YIPF5: variants seen among roughly 807,000 people sequenced by gnomAD.
YIPF5 encodes the protein protein YIPF5.
YIPF5 carries 8 observed loss-of-function variants against 30.4 expected under a neutral mutation model. The ratio of observed to expected loss-of-function variants is 0.26; its 90% CI spans 0.15 to 0.47. The LOEUF (loss-of-function observed/expected upper bound fraction) is 0.47, where lower values mean the gene tolerates loss of function less well. YIPF5 is among the 20% of genes least tolerant of loss of function. The pLI, the probability that YIPF5 is intolerant of heterozygous loss-of-function variation, is 0.99. For synonymous variants in YIPF5, 104 were observed against 107.9 expected, an observed-to-expected ratio of 0.96 and a Z score of 0.23; for missense variants, 282 against 301.8, an observed-to-expected ratio of 0.93 and a Z score of 0.49.
intron 2 of YIPF5, among the ~76,000 whole-genome samples, chr5:144,168,157 T>A (rs2126762412): frequency 6.6e-6 from 1 of 152,324 alleles, no homozygotes; most frequent in Non-Finnish European, 1.5e-5. Flanking sequence ...GGAATGAAAC[T>A]GTGAGAACAG....
At chr5:144,163,285 T>C (rs1035629162) in intron 4 of YIPF5, among the ~76,000 whole-genome samples, 3 of 152,212 alleles carry the variant, frequency 2.0e-5, no homozygotes, top group African/African-American at 7.2e-5. Context: ...TTGTAAATAC[T>C]TGATTAAAAA....
chr5:144,168,506 A>G lies in YIPF5; in HGVS notation c.110+1340T>C, dbSNP rs192958872. Among the ~76,000 whole-genome samples, 3 of 152,310 alleles carry G rather than the reference A, an allele frequency of 2.0e-5. No homozygotes were observed. In the East Asian group the frequency reaches 5.8e-4, roughly 29 times the overall value. Reference sequence around the variant, plus strand: ...TACACAGAGCAATCACCAAAAATACATATTTAGGTAAATAAATGAATGGAA... The same window carrying G: ...TACACAGAGCAATCACCAAAAATACGTATTTAGGTAAATAAATGAATGGAA... On this transcript the variant is annotated intron_variant, in intron 2 of 5. Transcript: ENST00000274496.
chr5:144,168,115 T>C (rs1393414548), intron 2 of YIPF5, among the ~76,000 whole-genome samples: 1 of 152,200 alleles, frequency 6.6e-6, no homozygotes, highest in African/African-American at 2.4e-5. Context: ...TCACTAGTAC[T>C]GAAGCAATGC....
chr5:144,167,430 T>C (rs1752232338), intron 2 of YIPF5, among the ~76,000 whole-genome samples: 1 of 152,096 alleles, frequency 6.6e-6, no homozygotes, highest in Non-Finnish European at 1.5e-5. Context: ...TCTTAACATA[T>C]TGGGTTGGTT....
chr5:144,162,506 T>A, intron 4 of YIPF5, 107 bp from the exon 5 acceptor site: 2 of 977,306 alleles, frequency 2.0e-6, no homozygotes, highest in Non-Finnish European at 3.0e-6. Context: ...CATCAAAATC[T>A]ACTAATCTAT....
chr5:144,167,329 A>G (rs1013565510), intron 2 of YIPF5, among the ~76,000 whole-genome samples: 6 of 152,184 alleles, frequency 3.9e-5, no homozygotes, highest in African/African-American at 1.2e-4. Context: ...TATGGCAGAC[A>G]CGATCTTTAC....
rs1752176830 is a variant in YIPF5 at position 144,165,503 on chromosome 5, T to C, written c.212A>G (p.Gln71Arg). ...PYTGQIYQPT[Q>R]AYTPASPQPF... ...CTGAGGTGAAGCTGGAGTATATGCCTGAGTTGGCTGGTAAATCTGCCCGGT... is the reference window on the plus strand; with the variant it reads ...CTGAGGTGAAGCTGGAGTATATGCCCGAGTTGGCTGGTAAATCTGCCCGGT... The change falls in exon 3 of 6, where the codon CAG (glutamine) becomes CGG (arginine). Residue 71 changes from glutamine to arginine, a missense_variant. Coordinates refer to ENST00000274496, the MANE Select transcript of YIPF5 (RefSeq NM_030799.9). 2 of 1,614,066 alleles carry C rather than the reference T, an allele frequency of 1.2e-6. No individual in the cohort carries two copies. Among genetic ancestry groups the C allele is most frequent in the Admixed American group, 1.7e-5 (1 of 59,998 alleles).
chr5:144,158,388 AT>A lies in YIPF5; in HGVS notation c.*2008del, dbSNP rs752186082. 1.1e-5 allele frequency: 13 copies of A among 1,211,974 alleles called. No homozygotes were observed. The highest frequency in any genetic ancestry group is 6.8e-5 in the South Asian group (5 of 73,550). 75.1% of individuals were successfully genotyped at this position (1,211,974 alleles called of 1,614,324 possible). A position where few individuals can be genotyped will look rare whatever the true frequency, so the allele number is the denominator to read the frequency against. Reference sequence around the variant, plus strand: ...ATAAAAAATAACCACCACAAAAAAAATCTCTACAATAATTTAAACTAAAAAT... The same window carrying A: ...ATAAAAAATAACCACCACAAAAAAAACTCTACAATAATTTAAACTAAAAAT... On this transcript the variant is annotated 3_prime_UTR_variant, in exon 6 of 6. Coordinates refer to ENST00000274496, the MANE Select transcript of YIPF5 (RefSeq NM_030799.9).
intron 3 of YIPF5, among the ~76,000 whole-genome samples, 191 bp downstream of exon 3, chr5:144,165,241 A>G (rs1051563425): frequency 2.6e-5 from 4 of 152,250 alleles, no homozygotes; most frequent in African/African-American, 9.6e-5. Flanking sequence ...TAAAAGATCT[A>G]TTAAAAATCT....
At position 144,159,440 on chromosome 5, in the gene YIPF5, G is replaced by C. The variant is rs532996018; in HGVS notation, c.*957C>G. 2.0e-6 allele frequency: 2 copies of C among 985,142 alleles called. No individual in the cohort carries two copies. The highest frequency in any genetic ancestry group is 1.2e-4 in the Admixed American group (2 of 16,252). 61.0% of individuals were successfully genotyped at this position (985,142 alleles called of 1,614,324 possible). On this transcript the variant is annotated 3_prime_UTR_variant, in exon 6 of 6. Coordinates refer to ENST00000274496, the MANE Select transcript of YIPF5 (RefSeq NM_030799.9). ...TTATAGCATTAATGCAACCATTCCA[G>C]GTCCCTAAGGTTGAGTTAACATTAA...
rs115266254 is a variant in YIPF5 at position 144,168,557 on chromosome 5, C to G, written c.110+1289G>C. ...ATACCTCAATACAAATTTTCCAACT[C>G]TGCCCATTAATTTATCAAAAGAGAT... On this transcript the variant is annotated intron_variant, in intron 2 of 5. Coordinates refer to ENST00000274496, the MANE Select transcript of YIPF5 (RefSeq NM_030799.9). 4.9e-3 allele frequency among the ~76,000 whole-genome samples: 740 copies of G among 152,256 alleles called. 6 individuals carry two copies. The highest frequency in any genetic ancestry group is 0.017 in the African/African-American group (688 of 41,540).
At position 144,158,891 on chromosome 5, in the gene YIPF5, T is replaced by G. The variant is rs1934205130; in HGVS notation, c.*1506A>C. On this transcript the variant is annotated 3_prime_UTR_variant, in exon 6 of 6. Coordinates refer to ENST00000274496, the MANE Select transcript of YIPF5 (RefSeq NM_030799.9). The stretch of plus-strand genomic sequence containing the variant: ...ACCATTGATACATCATTTTGACATT[T>G]CTATTTAGTCTGAAAATCTCTTTAA... The G allele has an allele frequency of 1.0e-6, 1 of 983,910 alleles. No individual in the cohort carries two copies. The highest frequency in any genetic ancestry group is 1.2e-6 in the Non-Finnish European group (1 of 829,336). 60.9% of individuals were successfully genotyped at this position (983,910 alleles called of 1,614,324 possible).
At chr5:144,163,571 T>A (rs1431633544) in intron 4 of YIPF5, among the ~76,000 whole-genome samples, 1 of 152,180 alleles carries the variant, frequency 6.6e-6, no homozygotes, top group African/African-American at 2.4e-5. Flanking sequence ...GTATATTACA[T>A]TAGTTATCTC....
chr5:144,164,084 C>T (rs75150972), intron 4 of YIPF5, 27 bp downstream of exon 4: 33,635 of 1,605,316 alleles, frequency 0.021, 442 homozygotes, highest in Middle Eastern at 0.027. Flanking sequence ...TTTAATTGCA[C>T]CCTGAAGGTT....
In YIPF5 at chr5:144,158,691, T is replaced by C. The variant is rs187476345; in HGVS notation, c.*1706A>G. ...AAGTTGGAAAGCCTATCAAATTACC[T>C]TCCAAATTGCTTTTTTAAAGCAATT... On this transcript the variant is annotated 3_prime_UTR_variant, in exon 6 of 6. Coordinates refer to ENST00000274496, the MANE Select transcript of YIPF5 (RefSeq NM_030799.9). The C allele has an allele frequency of 3.2e-5, 33 of 1,018,814 alleles. No homozygotes were observed. The Admixed American group carries it at 1.8e-3, about 56-fold the overall frequency. 63.1% of individuals were successfully genotyped at this position (1,018,814 alleles called of 1,614,324 possible).
At position 144,160,536 on chromosome 5, in the gene YIPF5, G is replaced by A. The variant is rs772041155; in HGVS notation, c.635C>T (p.Thr212Ile). The change falls in exon 6 of 6, where the codon ACT becomes ATT. Residue 212 changes from threonine to isoleucine, a missense_variant. Transcript: ENST00000274496. ...SLQGMVGIIL[T>I]AGIIGWCSFS... The stretch of plus-strand genomic sequence containing the variant: ...ACTACACCATCCAATAATCCCAGCA[G>A]TGAGAATGATTCCTACCATTCCTCT... The A allele has an allele frequency of 6.2e-7, 1 of 1,613,770 alleles. No homozygotes were observed. The highest frequency in any genetic ancestry group is 1.1e-5 in the South Asian group (1 of 91,038).
intron 5 of YIPF5, among the ~76,000 whole-genome samples, chr5:144,161,365 A>G (rs933965455): frequency 3.5e-5 from 2 of 57,642 alleles, no homozygotes; most frequent in Non-Finnish European, 6.6e-5. Flanking sequence ...TTTTTTTGAG[A>G]CAGTTTCGCT....
intron 2 of YIPF5, among the ~76,000 whole-genome samples, chr5:144,169,224 C>T (rs563045867): frequency 2.0e-5 from 3 of 151,934 alleles, no homozygotes; most frequent in Non-Finnish European, 4.4e-5. Flanking sequence ...TCACAAACAC[C>T]AGGTACTATA....
At position 144,158,380 on chromosome 5, in the gene YIPF5, CA is replaced by C. The variant is rs961957532; in HGVS notation, c.*2016del. On this transcript the variant is annotated 3_prime_UTR_variant, in exon 6 of 6. Coordinates refer to ENST00000274496, the MANE Select transcript of YIPF5 (RefSeq NM_030799.9). ...GGAGCAAAATAAAAAATAACCACCA[CA>C]AAAAAAATCTCTACAATAATTTAAA... 3.0e-5 allele frequency: 36 copies of C among 1,190,946 alleles called. No homozygotes were observed. The highest frequency in any genetic ancestry group is 1.7e-4 in the Admixed American group (6 of 34,360). The allele number at this position is 1,190,946 out of a possible 1,614,324, so 73.8% of individuals were successfully genotyped here.
Sources: gnomAD v4.1 joint callset for allele counts (sites outside exome capture counted in the v4.1 genomes callset) on GRCh38, gnomAD v4.1.1 for gene constraint, MANE v1.5 for transcripts, NCBI Gene and HGNC (gene_info 2026-07-23, HGNC 2026-07-21) for gene names.